Variants in BTK observed in about 807,000 individuals in gnomAD.
BTK encodes Bruton tyrosine kinase.
Under a neutral mutation model 57.4 loss-of-function variants are expected in BTK, and 5 were observed. The ratio of observed to expected loss-of-function variants is 0.09; its 90% CI spans 0.05 to 0.18. The LOEUF is 0.18. Ranked by LOEUF, BTK falls within the 10% of genes least tolerant of loss-of-function variation. The pLI is 1.00. For missense variants in BTK, 194 were observed against 501.2 expected (o/e 0.39, Z 5.85); for synonymous variants, 154 against 174.3 (o/e 0.88, Z 0.92).
intron 5 of BTK, 101 bp from the exon 6 acceptor site, chrX:101,362,790 C>T: frequency 8.8e-7 from 1 of 1,139,092 alleles, no homozygotes; most frequent in Non-Finnish European, 1.2e-6. Context: ...CAAGCAACTG[C>T]CCCCTCCTTG....
chrX:101,359,260 G>T (rs1241949968), intron 10 of BTK, 33 bp downstream of exon 10: 1 of 1,201,304 alleles, frequency 8.3e-7, no homozygotes, highest in East Asian at 3.0e-5. Flanking sequence ...CTTATGCAAG[G>T]AGAATGCTGT....
At chrX:101,358,808 T>C (rs1365293508) in intron 10 of BTK, 112 bp from the exon 11 acceptor site, 26 of 635,510 alleles carry the variant, frequency 4.1e-5, no homozygotes, top group Middle Eastern at 6.1e-4. Context: ...TACTGCCAAG[T>C]TCCACGCTTG....
At chrX:101,375,778 G>A (rs914636035) in intron 1 of BTK, among the ~76,000 whole-genome samples, 1 of 111,711 alleles carries the variant, frequency 9.0e-6, no homozygotes, top group East Asian at 2.8e-4. Flanking sequence ...TTTCCTAGAC[G>A]GTGAATATAA....
chrX:101,372,811 C>T (rs1202137834), intron 3 of BTK, among the ~76,000 whole-genome samples: 1 of 107,006 alleles, frequency 9.3e-6, no homozygotes, highest in Non-Finnish European at 1.9e-5. Flanking sequence ...GGGCTGGGCA[C>T]AGTGGCTCAC....
rs371085740 is a variant in BTK at position 101,362,599 on chromosome X, T to G, written c.482A>C (p.Asn161Thr). 5.0e-6 allele frequency: 6 copies of G among 1,210,377 alleles called. No homozygotes were observed. Among genetic ancestry groups the G allele is most frequent in the Non-Finnish European group, 6.7e-6 (6 of 895,193 alleles). The change falls in exon 6 of 19, where the codon AAT becomes ACT. Residue 161 changes from asparagine (N) to threonine (T), a missense_variant. Physicochemically the swap from Asn to Thr is moderately conservative, Grantham distance 65 (BLOSUM62 0). This residue lies in a region of BTK where 115 missense variants were observed against 258.3 expected (regional missense o/e 0.45). Coordinates refer to ENST00000308731, the MANE Select transcript of BTK (RefSeq NM_000061.3). ...CTCCAAAATTTGGCAGCCCATAGCA[T>G]TTTTGGCTGTCTGAGAGCAGCAGAG... ...QYLCCSQTAK[N>T]AMGCQILENR...
intron 1 of BTK, among the ~76,000 whole-genome samples, chrX:101,385,824 G>T (rs1399259264): frequency 9.0e-6 from 1 of 111,515 alleles, no homozygotes; most frequent in Non-Finnish European, 1.9e-5. Context: ...GTCACCTCAT[G>T]TCACATTTTT....
chrX:101,356,142 G>A lies in BTK; in HGVS notation c.1476C>T (p.Arg492=), dbSNP rs1555977819. Residue 492 remains arginine (R), a synonymous_variant, in exon 15 of 19, where the codon CGC becomes CGT. Coordinates refer to ENST00000308731, the MANE Select transcript of BTK (RefSeq NM_000061.3). ...LLNYLREMRH[R]FQTQQLLEMC... is the part of the protein sequence containing the mutation. ...TCTCTAGCAGCTGCTGAGTCTGGAAGCGGTGGCGCATCTCCCTCAGGTAGT... is the reference window on the plus strand; with the variant it reads ...TCTCTAGCAGCTGCTGAGTCTGGAAACGGTGGCGCATCTCCCTCAGGTAGT... 5 of 1,211,553 alleles carry A rather than the reference G, an allele frequency of 4.1e-6. No individual in the cohort carries two copies. Among genetic ancestry groups the A allele is most frequent in the Non-Finnish European group, 4.5e-6 (4 of 895,487 alleles).
chrX:101,380,487 C>T (rs1226580261), intron 1 of BTK, among the ~76,000 whole-genome samples: 2 of 110,993 alleles, frequency 1.8e-5, no homozygotes, highest in East Asian at 2.8e-4. Context: ...TTGGACTCAC[C>T]GCTTAGCTCT....
Position 101,356,139 on chromosome X carries a change from G to C in BTK, c.1479C>G (p.Phe493Leu). The C allele has an allele frequency of 8.3e-7, 1 of 1,211,384 alleles. No individual in the cohort carries two copies. The highest frequency in any genetic ancestry group is 1.1e-6 in the Non-Finnish European group (1 of 895,449). ...LNYLREMRHR[F>L]QTQQLLEMCK... is the part of the protein sequence containing the mutation. ...ACATCTCTAGCAGCTGCTGAGTCTG[G>C]AAGCGGTGGCGCATCTCCCTCAGGT... The change falls in exon 15 of 19, where the codon TTC becomes TTG. Residue 493 changes from phenylalanine (F) to leucine (L), a missense_variant. This residue lies in a region of BTK where 79 missense variants were observed against 217.7 expected (regional missense o/e 0.36). Coordinates refer to ENST00000308731, the MANE Select transcript of BTK (RefSeq NM_000061.3).
chrX:101,376,389 A>C (rs1232109493), intron 1 of BTK, among the ~76,000 whole-genome samples: 3 of 112,209 alleles, frequency 2.7e-5, no homozygotes, highest in Non-Finnish European at 5.6e-5. Flanking sequence ...GCACTTTGGG[A>C]GGCCGAGGCT....
At chrX:101,376,675 G>A (rs2238986) in intron 1 of BTK, among the ~76,000 whole-genome samples, 13,108 of 103,785 alleles carry the variant, frequency 0.13, 794 homozygotes, top group South Asian at 0.29. Flanking sequence ...AGTAAGTAAC[G>A]AAAAAACCAC....
intron 1 of BTK, among the ~76,000 whole-genome samples, chrX:101,383,456 A>G (rs191489611): frequency 7.8e-4 from 87 of 111,290 alleles, no homozygotes; most frequent in African/African-American, 2.7e-3. Flanking sequence ...AGTTTTAGAG[A>G]GCCCCCTTTC....
intron 5 of BTK, among the ~76,000 whole-genome samples, chrX:101,369,363 G>A (rs1926953584): frequency 8.9e-6 from 1 of 112,250 alleles, no homozygotes; most frequent in East Asian, 2.8e-4. Context: ...GAGCATCAAA[G>A]AAGCTTGTTG....
upstream of BTK, chrX:101,390,586 T>A (rs1256253727): frequency 3.9e-6 from 2 of 511,890 alleles, no homozygotes; most frequent in African/African-American, 2.3e-5. Context: ...TCCCTCCAGG[T>A]CTTCATTGAA....
chrX:101,372,149 G>C (rs369131828), intron 3 of BTK, among the ~76,000 whole-genome samples: 3 of 111,954 alleles, frequency 2.7e-5, no homozygotes, highest in African/African-American at 9.7e-5. Context: ...ATGAAACTTA[G>C]AACTATTAAG....
chrX:101,362,487 G>A, intron 6 of BTK, 74 bp downstream of exon 6: 1 of 1,191,795 alleles, frequency 8.4e-7, no homozygotes, highest in Admixed American at 2.2e-5. Context: ...CTATGACCCT[G>A]GGCTTGACAG....
Position 101,371,703 on chromosome X carries a change from T to A in BTK, c.241-2A>T. ...TTCACTGGACTCTTCACCTCTTCTCTGTAATGAAATAAGAAAAAATGGTTA... is the reference window on the plus strand; with the variant it reads ...TTCACTGGACTCTTCACCTCTTCTCAGTAATGAAATAAGAAAAAATGGTTA... On this transcript the variant is annotated splice_acceptor_variant, in intron 3 of 18. Transcript: ENST00000308731. LOFTEE classifies it high-confidence loss of function. The A allele has an allele frequency of 8.3e-7, 1 of 1,199,622 alleles. No individual in the cohort carries two copies. The highest frequency in any genetic ancestry group is 1.1e-6 in the Non-Finnish European group (1 of 884,293).
chrX:101,380,907 GA>G (rs1387450260), intron 1 of BTK, among the ~76,000 whole-genome samples: 3 of 105,859 alleles, frequency 2.8e-5, no homozygotes, highest in Non-Finnish European at 1.9e-5. Context: ...TCAGGAGGCT[GA>G]GGCGGGAGAA....
At chrX:101,389,954 A>G (rs1016084175), upstream of BTK, among the ~76,000 whole-genome samples, 4 of 111,705 alleles carry the variant, frequency 3.6e-5, no homozygotes, top group Non-Finnish European at 7.5e-5. Context: ...TAAGTGCGCC[A>G]TAATTTTTTT....
Sources: allele counts gnomAD v4.1 joint callset (sites outside exome capture counted in the v4.1 genomes callset), GRCh38; gene constraint gnomAD v4.1.1; regional missense constraint gnomAD v4.1.1; transcripts MANE v1.5; gene names NCBI Gene and HGNC (gene_info 2026-07-23, HGNC 2026-07-21).